TMEM52B: variants seen among roughly 807,000 people sequenced by gnomAD.
TMEM52B encodes chromosome 12 open reading frame 59.
In TMEM52B, 11 loss-of-function variants were observed where a neutral mutation model predicts 16.1. The ratio of observed to expected loss-of-function variants is 0.68; its 90% CI spans 0.43 to 1.13. The LOEUF is 1.13. Among genes scored for constraint, TMEM52B ranks in the 50% most tolerant of loss-of-function variants. The pLI is 0.00. For missense variants in TMEM52B, 243 were observed against 230.4 expected (o/e 1.05, Z -0.35); for synonymous variants, 101 against 93.8 (o/e 1.08, Z -0.45).
intron 1 of TMEM52B, 135 bp from the exon 2 acceptor site, chr12:10,182,415 A>C: frequency 7.4e-7 from 1 of 1,359,048 alleles, no homozygotes; most frequent in Non-Finnish European, 9.5e-7. Context: ...TGGCAGTCCT[A>C]AATAGACTGC....
upstream of TMEM52B, chr12:10,175,656 A>G (rs1565424732): frequency 6.6e-6 from 1 of 152,206 alleles, no homozygotes; most frequent in Non-Finnish European, 1.5e-5. Context: ...CTGTCACTCA[A>G]TCCCTATGCT....
In TMEM52B at chr12:10,179,579, G is replaced by C; in HGVS notation, c.5G>C (p.Gly2Ala). 1 of 1,614,208 alleles carries C rather than the reference G, an allele frequency of 6.2e-7. No individual in the cohort carries two copies. The highest frequency in any genetic ancestry group is 1.1e-5 in the South Asian group (1 of 91,084). M[G>A]VRVHVVAASA... ...AAGAAGCAGGAATTCAGCCCGATGG[G>C]AGTCCGAGTTCATGTCGTGGCGGCC... Residue 2 changes from glycine to alanine, a missense_variant, in exon 1 of 5, where the codon GGA becomes GCA. Transcript: ENST00000543484.
intron 4 of TMEM52B, among the ~76,000 whole-genome samples, chr12:10,189,065 T>A (rs543234919): frequency 1.5e-5 from 2 of 135,424 alleles, no homozygotes; most frequent in East Asian, 4.3e-4. Context: ...GCCAGGCACG[T>A]TGGCACATGC....
rs759266505 is a variant in TMEM52B at position 10,189,913 on chromosome 12, G to A, written c.325G>A (p.Gly109Ser). 6 of 1,613,804 alleles carry A rather than the reference G, an allele frequency of 3.7e-6. No homozygotes were observed. The highest frequency in any genetic ancestry group is 1.7e-4 in the Middle Eastern group (1 of 5,888). ...CTTCACAGCTCTGCAGTCGGTGTTT[G>A]GCCCTGCAGCTCGGAGGATCCTGGC... is the stretch of plus-strand genomic sequence containing the variant. ...STITSLQSVF[G>S]PAARRILAVA... The change falls in exon 5 of 5, where the codon GGC (glycine) becomes AGC (serine). Residue 109 changes from glycine to serine, a missense_variant. Coordinates refer to ENST00000543484, the MANE Select transcript of TMEM52B (RefSeq NM_001384896.1).
rs1478695119 is a variant in TMEM52B at position 10,191,297 on chromosome 12, T to G, written c.*1157T>G. On this transcript the variant is annotated 3_prime_UTR_variant, in exon 5 of 5. Transcript: ENST00000543484. ...ATGCAATGGCATGGTCTCAGCTCAC[T>G]GTAACCTCCACCTCCCGGATTCAAG... 3.3e-5 allele frequency: 5 copies of G among 151,992 alleles called. No homozygotes were observed. The highest frequency in any genetic ancestry group is 7.4e-5 in the Non-Finnish European group (5 of 68,010). 9.4% of individuals were successfully genotyped at this position (151,992 alleles called of 1,614,324 possible). A position where few individuals can be genotyped will look rare whatever the true frequency, so the allele number is the denominator to read the frequency against.
chr12:10,190,812 G>A lies in TMEM52B; in HGVS notation c.*672G>A, dbSNP rs1045924122. The A allele has an allele frequency of 6.5e-6, 1 of 153,514 alleles. No homozygotes were observed. The highest frequency in any genetic ancestry group is 1.5e-5 in the Non-Finnish European group (1 of 68,882). The allele number at this position is 153,514 out of a possible 1,614,324, so 9.5% of individuals were successfully genotyped here. A position where few individuals can be genotyped will look rare whatever the true frequency, so the allele number is the denominator to read the frequency against. On this transcript the variant is annotated 3_prime_UTR_variant, in exon 5 of 5. Coordinates refer to ENST00000543484, the MANE Select transcript of TMEM52B (RefSeq NM_001384896.1). ...GTTGGATTAATTCTTCAGTTCCTCC[G>A]CACTGCAAACACATATATGTGCGCA...
Position 10,173,321 on chromosome 12 carries a change from G to C in TMEM52B, c.-95+2470G>C, listed in dbSNP as rs150053062. On this transcript the variant is annotated intron_variant, in intron 1 of 5. Coordinates refer to the TMEM52B transcript ENST00000381923. ...TTACTCCAGGAAAAAAAAGTGCAAAGAAAAGAATACACAAAGGAAGAATGG... is the reference window on the plus strand; with the variant it reads ...TTACTCCAGGAAAAAAAAGTGCAAACAAAAGAATACACAAAGGAAGAATGG... 2.8e-4 allele frequency among the ~76,000 whole-genome samples: 42 copies of C among 151,958 alleles called. 1 individual carries two copies. In the East Asian group the frequency reaches 7.9e-3, roughly 29 times the overall value.
chr12:10,184,971 C>T (rs1948864354), intron 2 of TMEM52B, among the ~76,000 whole-genome samples: 1 of 152,176 alleles, frequency 6.6e-6, no homozygotes. Context: ...CTTAGCCTCC[C>T]AAAGTGCTGG....
chr12:10,185,632 C>T lies in TMEM52B; in HGVS notation c.137+264C>T, dbSNP rs2634165. Among the ~76,000 whole-genome samples the T allele has an allele frequency of 0.22, 33,405 of 152,092 alleles. 3,703 individuals are homozygous for T. The highest frequency in any genetic ancestry group is 0.28 in the South Asian group (1,331 of 4,826). On this transcript the variant is annotated intron_variant, in intron 3 of 4. Transcript: ENST00000543484. The stretch of plus-strand genomic sequence containing the variant: ...AATTAAAAAGCAGAGCCTGGCCGGG[C>T]GTGGTGGCTCACACCTGTAATCCCA...
At chr12:10,182,020 C>CAAAAAAAAAAAAAAAAAAAA (rs765078092) in intron 1 of TMEM52B, 1 of 621,824 alleles carries the variant, frequency 1.6e-6, no homozygotes, top group Non-Finnish European at 1.8e-6. Context: ...GAGCAAGACT[C>CAAAAAAAAAAAAAAAAAAAA]AAAAAAAAAA....
chr12:10,188,465 A>G lies in TMEM52B; in HGVS notation c.308-1431A>G, dbSNP rs117151845. ...CAGAGTGAGACACCATCAAAAAATA[A>G]AAAAGGAAAGAAAGAAAGAGAGAGA... On this transcript the variant is annotated intron_variant, in intron 4 of 4. Coordinates refer to ENST00000543484, the MANE Select transcript of TMEM52B (RefSeq NM_001384896.1). Among the ~76,000 whole-genome samples the G allele has an allele frequency of 2.4e-4, 35 of 148,808 alleles. No homozygotes were observed. The East Asian group carries it at 6.9e-3, about 29-fold the overall frequency.
chr12:10,175,921 A>G (rs1948762156), upstream of TMEM52B, among the ~76,000 whole-genome samples: 1 of 152,178 alleles, frequency 6.6e-6, no homozygotes, highest in East Asian at 1.9e-4. Context: ...GAAGTAAGCA[A>G]TTTGTTTGGC....
At chr12:10,187,401 A>G (rs1330721245) in intron 4 of TMEM52B, among the ~76,000 whole-genome samples, 2 of 148,106 alleles carry the variant, frequency 1.4e-5, no homozygotes, top group African/African-American at 5.0e-5. Context: ...TGCCTGGCCA[A>G]AATGGTTACT....
intron 3 of TMEM52B, among the ~76,000 whole-genome samples, chr12:10,185,853 C>A (rs2537750): frequency 0.2 from 30,981 of 151,910 alleles, 3,171 homozygotes; most frequent in South Asian, 0.28. Flanking sequence ...ACCAGCCTGA[C>A]CAACCTGGAG....
intron 2 of TMEM52B, among the ~76,000 whole-genome samples, chr12:10,183,339 G>A (rs1450320879): frequency 6.6e-6 from 1 of 152,062 alleles, no homozygotes; most frequent in African/African-American, 2.4e-5. Context: ...CCTGCTTTCT[G>A]AGGTTTTACA....
At chr12:10,182,347 T>G in intron 1 of TMEM52B, 1 of 985,354 alleles carries the variant, frequency 1.0e-6, no homozygotes, top group East Asian at 1.1e-4. Context: ...GAGATATTTG[T>G]TCTTCAAGGT....
chr12:10,171,795 G>A (rs1010948398), intron 1 of TMEM52B, among the ~76,000 whole-genome samples: 1 of 152,186 alleles, frequency 6.6e-6, no homozygotes, highest in Non-Finnish European at 1.5e-5. Flanking sequence ...AGAATAACCT[G>A]TAGTAAATAC....
rs1948792616 is a variant in TMEM52B at position 10,179,057 on chromosome 12, G to A, written c.-518G>A. 6.4e-6 allele frequency: 1 copy of A among 156,202 alleles called. No homozygotes were observed. Among genetic ancestry groups the A allele is most frequent in the African/African-American group, 2.4e-5 (1 of 41,462 alleles). 9.7% of individuals were successfully genotyped at this position (156,202 alleles called of 1,614,324 possible). On this transcript the variant is annotated 5_prime_UTR_variant, in exon 1 of 5. Coordinates refer to ENST00000543484, the MANE Select transcript of TMEM52B (RefSeq NM_001384896.1). ...AGATTAGCAGGGTGACTTTCACCCT[G>A]CAACAGTCACGCTGGAGTACTCTGG...
chr12:10,184,310 G>A (rs1029554190), intron 2 of TMEM52B, among the ~76,000 whole-genome samples: 1 of 152,176 alleles, frequency 6.6e-6, no homozygotes, highest in Non-Finnish European at 1.5e-5. Context: ...GTGTTTCCCG[G>A]AGTTCTGTGA....
Sources: gnomAD v4.1 joint callset for allele counts (sites outside exome capture counted in the v4.1 genomes callset) on GRCh38, gnomAD v4.1.1 for gene constraint, MANE v1.5 for transcripts, NCBI Gene and HGNC (gene_info 2026-07-23, HGNC 2026-07-21) for gene names.